COL23A1: variants seen among roughly 807,000 people sequenced by gnomAD.
COL23A1 encodes collagen alpha-1(XXIII) chain.
Under a neutral mutation model 99.3 loss-of-function variants are expected in COL23A1, and 97 were observed. The ratio of observed to expected loss-of-function variants is 0.98; its 90% CI spans 0.83 to 1.16. COL23A1 has a LOEUF of 1.16. COL23A1 is among the 50% of genes most tolerant of loss of function. The pLI is 0.00. For synonymous variants in COL23A1, 320 were observed against 308.2 expected, an observed-to-expected ratio of 1.04 and a Z score of -0.40; for missense variants, 762 against 757.4, an observed-to-expected ratio of 1.01 and a Z score of -0.07.
intron 2 of COL23A1, among the ~76,000 whole-genome samples, chr5:178,502,887 G>C (rs1327316056): frequency 6.6e-6 from 1 of 152,246 alleles, no homozygotes; most frequent in South Asian, 2.1e-4. Flanking sequence ...CCCCTGAACC[G>C]CAGCACACGC....
intron 2 of COL23A1, among the ~76,000 whole-genome samples, chr5:178,523,143 A>AATATATATATATATATACACAT: frequency 9.4e-6 from 1 of 106,226 alleles, no homozygotes; most frequent in Non-Finnish European, 2.0e-5. Context: ...TCTATTTAAA[A>AATATATATATATATATACACAT]ATATATATAT....
intron 2 of COL23A1, among the ~76,000 whole-genome samples, chr5:178,418,424 C>A (rs1765425280): frequency 6.6e-6 from 1 of 152,216 alleles, no homozygotes; most frequent in African/African-American, 2.4e-5. Flanking sequence ...CTGGAGAGAT[C>A]CTGATTCTGT....
chr5:178,363,159 T>A (rs966956321), intron 2 of COL23A1, among the ~76,000 whole-genome samples: 5 of 151,920 alleles, frequency 3.3e-5, no homozygotes, highest in Non-Finnish European at 7.4e-5. Context: ...TGAGCAGTAT[T>A]TTTAGGGAGT....
chr5:178,283,503 C>G (rs921367453), intron 5 of COL23A1, among the ~76,000 whole-genome samples: 7 of 152,194 alleles, frequency 4.6e-5, no homozygotes, highest in African/African-American at 1.7e-4. Context: ...CCAAATTATA[C>G]CTGTCCATTC....
At chr5:178,362,880 C>T (rs1037505071) in intron 2 of COL23A1, among the ~76,000 whole-genome samples, 1 of 150,360 alleles carries the variant, frequency 6.7e-6, no homozygotes, top group Non-Finnish European at 1.5e-5. Flanking sequence ...AAATCTATGA[C>T]ACATCCACCC....
At position 178,468,290 on chromosome 5, in the gene COL23A1, C is replaced by CT. The variant is rs1172985679; in HGVS notation, c.361+92391dup. Among the ~76,000 whole-genome samples, 1 of 151,872 alleles carries CT rather than the reference C, an allele frequency of 6.6e-6. No homozygotes were observed. The highest frequency in any genetic ancestry group is 2.4e-5 in the African/African-American group (1 of 41,284). Reference sequence around the variant, plus strand: ...GCCCCTGCAGGAAGATCGGGAAGGTCTAAATCCAAGCTCATTAATAGGCCA... The same window carrying CT: ...GCCCCTGCAGGAAGATCGGGAAGGTCTTAAATCCAAGCTCATTAATAGGCCA... On this transcript the variant is annotated intron_variant, in intron 2 of 28. Coordinates refer to ENST00000390654, the MANE Select transcript of COL23A1 (RefSeq NM_173465.4). The surrounding 1 kb of genome is among the most constrained non-coding windows in gnomAD (Gnocchi z 4.2).
At position 178,384,080 on chromosome 5, in the gene COL23A1, G is replaced by C. The variant is rs1296023339; in HGVS notation, c.362-77161C>G. ...CTGCATCTCCTGCCACGGCCAGGCAGGTCCCACCTCTCTGCAAAGACCCCT... is the reference window on the plus strand; with the variant it reads ...CTGCATCTCCTGCCACGGCCAGGCACGTCCCACCTCTCTGCAAAGACCCCT... On this transcript the variant is annotated intron_variant, in intron 2 of 28. Transcript: ENST00000390654. The surrounding 1 kb of genome is among the most constrained non-coding windows in gnomAD (Gnocchi z 5.5). 4.6e-5 allele frequency among the ~76,000 whole-genome samples: 7 copies of C among 152,188 alleles called. No homozygotes were observed. The highest frequency in any genetic ancestry group is 8.8e-5 in the Non-Finnish European group (6 of 68,036).
Position 178,307,139 on chromosome 5 carries a change from G to A in COL23A1, c.362-220C>T, listed in dbSNP as rs1290858001. On this transcript the variant is annotated intron_variant, in intron 2 of 28. Coordinates refer to ENST00000390654, the MANE Select transcript of COL23A1 (RefSeq NM_173465.4). This position sits in a 1 kb window ranked among gnomAD's most constrained non-coding sequence, Gnocchi z 4.2. Reference sequence around the variant, plus strand: ...CGCCAACCCCCCTCCCCAGGTGGCCGCATCCCTCATGCCCCACGCACCCAT... The same window carrying A: ...CGCCAACCCCCCTCCCCAGGTGGCCACATCCCTCATGCCCCACGCACCCAT... 2.0e-5 allele frequency among the ~76,000 whole-genome samples: 3 copies of A among 152,078 alleles called. No individual in the cohort carries two copies. Among genetic ancestry groups the A allele is most frequent in the South Asian group, 2.1e-4 (1 of 4,826 alleles).
In COL23A1 at chr5:178,544,379, C is replaced by T. The variant is rs1484257639; in HGVS notation, c.361+16303G>A. 1.3e-5 allele frequency among the ~76,000 whole-genome samples: 2 copies of T among 152,210 alleles called. No homozygotes were observed. Among genetic ancestry groups the T allele is most frequent in the African/African-American group, 4.8e-5 (2 of 41,454 alleles). On this transcript the variant is annotated intron_variant, in intron 2 of 28. Transcript: ENST00000390654. The surrounding 1 kb of genome is among the most constrained non-coding windows in gnomAD (Gnocchi z 4.4). Reference sequence around the variant, plus strand: ...ATGCGCACTTCAGGGAGGACGCAGGCGCAGGGCCGGGGAGCTGGGAGGCAC... The same window carrying T: ...ATGCGCACTTCAGGGAGGACGCAGGTGCAGGGCCGGGGAGCTGGGAGGCAC...
At chr5:178,496,740 C>A (rs1012971767) in intron 2 of COL23A1, among the ~76,000 whole-genome samples, 19 of 152,194 alleles carry the variant, frequency 1.2e-4, no homozygotes, top group African/African-American at 4.6e-4. Context: ...TAATCAATGA[C>A]TGCTTCCTGG....
In COL23A1 at chr5:178,313,556, G is replaced by T. The variant is rs1758818712; in HGVS notation, c.362-6637C>A. ...CCCCAAGGTCACACAGTGGAGAAAT[G>T]GCGGAACTGGAACTGGAACCCGGGT... On this transcript the variant is annotated intron_variant, in intron 2 of 28. Coordinates refer to ENST00000390654, the MANE Select transcript of COL23A1 (RefSeq NM_173465.4). The surrounding 1 kb of genome is among the most constrained non-coding windows in gnomAD (Gnocchi z 4.2). Among the ~76,000 whole-genome samples the T allele has an allele frequency of 6.6e-6, 1 of 152,188 alleles. No individual in the cohort carries two copies. The highest frequency in any genetic ancestry group is 1.5e-5 in the Non-Finnish European group (1 of 68,020).
rs781521011 is a variant in COL23A1 at position 178,263,283 on chromosome 5, G to C, written c.564C>G (p.Pro188=). ...GQDGAAGPPG[P]PGPPGARGPP... is the part of the protein sequence containing the mutation. Reference sequence around the variant, plus strand: ...GGCCCCGGGCCCCAGGAGGTCCAGGGGGCCCCGGAGGCCCAGCAGCTCCAT... The same window carrying C: ...GGCCCCGGGCCCCAGGAGGTCCAGGCGGCCCCGGAGGCCCAGCAGCTCCAT... The change falls in exon 9 of 29, where the codon CCC becomes CCG. Residue 188 remains proline (P), a synonymous_variant. Coordinates refer to ENST00000390654, the MANE Select transcript of COL23A1 (RefSeq NM_173465.4). 5 of 1,609,720 alleles carry C rather than the reference G, an allele frequency of 3.1e-6. No homozygotes were observed. The highest frequency in any genetic ancestry group is 4.2e-6 in the Non-Finnish European group (5 of 1,178,812).
intron 5 of COL23A1, among the ~76,000 whole-genome samples, chr5:178,274,643 T>G (rs1756485298): frequency 6.6e-6 from 1 of 152,062 alleles, no homozygotes. Flanking sequence ...GGCCATCAGC[T>G]GCCCCGTTCC....
chr5:178,440,076 A>C (rs28657401), intron 2 of COL23A1: 17,611 of 152,180 alleles, frequency 0.12, 1,651 homozygotes, highest in African/African-American at 0.26. Context: ...AGATGTTCTA[A>C]AACTGGATGG....
At chr5:178,303,084 TCTGC>T (rs1758158989) in intron 3 of COL23A1, among the ~76,000 whole-genome samples, 1 of 152,226 alleles carries the variant, frequency 6.6e-6, no homozygotes, top group African/African-American at 2.4e-5. Context: ...CACTGCAACC[TCTGC>T]CTCCTGGGTT....
rs770465600 is a variant in COL23A1 at position 178,340,754 on chromosome 5, C to T, written c.362-33835G>A. Among the ~76,000 whole-genome samples, 39 of 152,144 alleles carry T rather than the reference C, an allele frequency of 2.6e-4. No individual in the cohort carries two copies. Among genetic ancestry groups the T allele is most frequent in the Non-Finnish European group, 3.1e-4 (21 of 68,016 alleles). On this transcript the variant is annotated intron_variant, in intron 2 of 28. Transcript: ENST00000390654. This position sits in a 1 kb window ranked among gnomAD's most constrained non-coding sequence, Gnocchi z 4.7. Reference sequence around the variant, plus strand: ...GGAGTCTCACCGGAATGGAGGTGGGCGGGAATGGAGGTGGCCGGGGCAAGG... The same window carrying T: ...GGAGTCTCACCGGAATGGAGGTGGGTGGGAATGGAGGTGGCCGGGGCAAGG...
intron 2 of COL23A1, among the ~76,000 whole-genome samples, chr5:178,457,530 A>G (rs760268364): frequency 6.6e-6 from 1 of 152,152 alleles, no homozygotes; most frequent in Non-Finnish European, 1.5e-5. Context: ...GTTCTTTATA[A>G]TAGCAAAAAT....
At chr5:178,444,997 T>C (rs748481612) in intron 2 of COL23A1, among the ~76,000 whole-genome samples, 3 of 152,196 alleles carry the variant, frequency 2.0e-5, no homozygotes, top group Non-Finnish European at 4.4e-5. Context: ...AAATGTTACT[T>C]GCTATTTATT....
At chr5:178,488,754 ATG>A (rs1757768395) in intron 2 of COL23A1, among the ~76,000 whole-genome samples, 2 of 152,060 alleles carry the variant, frequency 1.3e-5, no homozygotes, top group South Asian at 4.2e-4. Context: ...CATTCAATGA[ATG>A]TAAATTCAAG....
Sources: allele counts gnomAD v4.1 joint callset (sites outside exome capture counted in the v4.1 genomes callset), GRCh38; gene constraint gnomAD v4.1.1; non-coding constraint Gnocchi (gnomAD v3.1); transcripts MANE v1.5; gene names NCBI Gene and HGNC (gene_info 2026-07-23, HGNC 2026-07-21).